Variants in FBXL18 observed in about 807,000 individuals in gnomAD.
FBXL18 encodes the protein F-box/LRR-repeat protein 18.
In FBXL18, 36 loss-of-function variants were observed where a neutral mutation model predicts 46.0. The observed-to-expected ratio is 0.78, with a 90% CI of 0.60 to 1.03. The LOEUF (loss-of-function observed/expected upper bound fraction) is 1.03. Ranked by LOEUF, FBXL18 falls within the 50% of genes least tolerant of loss-of-function variation. The pLI is 0.00. For synonymous variants in FBXL18, 557 were observed against 465.3 expected (o/e 1.20, Z -2.54); for missense variants, 977 against 1,004.1 (o/e 0.97, Z 0.36).
At position 5,491,389 on chromosome 7, in the gene FBXL18, G is replaced by T. The variant is rs1415472812; in HGVS notation, c.1842C>A (p.Pro614=). ...AQFFQALSQC[P]SLQRLCLVSR... ...AGACCAGGCACAGGCGCTGCAGCGAGGGGCACTGGCTCAGCGCCTGGAAGA... is the reference window on the plus strand; with the variant it reads ...AGACCAGGCACAGGCGCTGCAGCGATGGGCACTGGCTCAGCGCCTGGAAGA... The change falls in exon 4 of 5, where the codon CCC becomes CCA. Residue 614 remains proline (P), a synonymous_variant. Coordinates refer to ENST00000382368, the MANE Select transcript of FBXL18 (RefSeq NM_024963.6). 1 of 1,607,360 alleles carries T rather than the reference G, an allele frequency of 6.2e-7. No homozygotes were observed. Among genetic ancestry groups the T allele is most frequent in the South Asian group, 1.1e-5 (1 of 90,068 alleles).
chr7:5,462,975 TATATATATATATATATATATA>T lies in FBXL18; in HGVS notation c.2001-15153_2001-15133del, dbSNP rs1379486867. Among the ~76,000 whole-genome samples, 56 of 23,656 alleles carry T rather than the reference TATATATATATATATATATATA, an allele frequency of 2.4e-3. 1 individual carries two copies. The highest frequency in any genetic ancestry group is 5.7e-3 in the African/African-American group (55 of 9,702). 15.5% of individuals were successfully genotyped at this position (23,656 alleles called of 152,430 possible). On this transcript the variant is annotated intron_variant and NMD_transcript_variant, in intron 4 of 6. Coordinates refer to the FBXL18 transcript ENST00000415009. The stretch of plus-strand genomic sequence containing the variant: ...CAAAAAAAAAAAAAAAAAAAATATA[TATATATATATATATATATATA>T]ATATATATACACACACACATGCATA...
rs552002078 is a variant in FBXL18 at position 5,463,728 on chromosome 7, A to ATTTTTTTTTTTTTTTTTTTTTTTTTTT, written c.2001-15912_2001-15886dup. On this transcript the variant is annotated intron_variant and NMD_transcript_variant, in intron 4 of 6. Transcript: ENST00000415009. The stretch of plus-strand genomic sequence containing the variant: ...TATTTATTTATTTATTTATTTATTT[A>ATTTTTTTTTTTTTTTTTTTTTTTTTTT]TTTTTTTTTTTTTTTTTTTTTTTTT... Among the ~76,000 whole-genome samples, 4 of 53,034 alleles carry ATTTTTTTTTTTTTTTTTTTTTTTTTTT rather than the reference A, an allele frequency of 7.5e-5. 1 individual carries two copies. Among genetic ancestry groups the ATTTTTTTTTTTTTTTTTTTTTTTTTTT allele is most frequent in the Non-Finnish European group, 1.0e-4 (3 of 30,064 alleles). The allele number at this position is 53,034 out of a possible 152,430, so 34.8% of individuals were successfully genotyped here.
chr7:5,499,824 C>T (rs1784184492), intron 3 of FBXL18, among the ~76,000 whole-genome samples: 1 of 151,448 alleles, frequency 6.6e-6, no homozygotes, highest in East Asian at 1.9e-4. Context: ...CTTTGGGAGG[C>T]CGAGATGGAG....
At chr7:5,507,460 C>T (rs755089321) in intron 1 of FBXL18, among the ~76,000 whole-genome samples, 37 of 152,144 alleles carry the variant, frequency 2.4e-4, no homozygotes, top group African/African-American at 4.3e-4. Context: ...AACCAAAGGA[C>T]ATGGCCCGTA....
chr7:5,461,657 T>C (rs773937210), intron 4 of FBXL18, among the ~76,000 whole-genome samples: 1 of 150,944 alleles, frequency 6.6e-6, no homozygotes, highest in Non-Finnish European at 1.5e-5. Context: ...AGAAACAAAA[T>C]TGGCCAGGCG....
chr7:5,513,223 G>A (rs556281014), intron 1 of FBXL18, among the ~76,000 whole-genome samples: 1 of 152,302 alleles, frequency 6.6e-6, no homozygotes, highest in East Asian at 1.9e-4. Context: ...ACGTCATTCA[G>A]CAAGCAGGCT....
chr7:5,463,900 C>T (rs1783303024), intron 4 of FBXL18, among the ~76,000 whole-genome samples: 1 of 151,332 alleles, frequency 6.6e-6, no homozygotes, highest in Admixed American at 6.6e-5. Flanking sequence ...GCCACCACAC[C>T]CAGCTAATTT....
chr7:5,457,840 C>T lies in FBXL18; in HGVS notation c.2001-9997G>A, dbSNP rs1390315004. ...CGTTATGGCGGAAGGCCATCCCTAT[C>T]GCTGTGCCTGGCTGGCCTGGGCCCA... is the stretch of plus-strand genomic sequence containing the variant. On this transcript the variant is annotated intron_variant and NMD_transcript_variant, in intron 4 of 6. Coordinates refer to the FBXL18 transcript ENST00000415009. 3.3e-5 allele frequency among the ~76,000 whole-genome samples: 5 copies of T among 152,212 alleles called. No homozygotes were observed. In the East Asian group the frequency reaches 7.7e-4, roughly 23 times the overall value.
At chr7:5,472,206 C>G (rs548609724), downstream of FBXL18, among the ~76,000 whole-genome samples, 1 of 152,298 alleles carries the variant, frequency 6.6e-6, no homozygotes, top group South Asian at 2.1e-4. Context: ...TCAGCAAGGC[C>G]AAGGCCAACA....
chr7:5,470,157 A>G (rs1430697564), intron 4 of FBXL18, among the ~76,000 whole-genome samples: 2 of 151,466 alleles, frequency 1.3e-5, no homozygotes, highest in Non-Finnish European at 2.9e-5. Context: ...ACGCTGGGGC[A>G]CCTCCCCTGC....
At position 5,477,257 on chromosome 7, in the gene FBXL18, C is replaced by T. The variant is rs895658092; in HGVS notation, c.*4518G>A. Among the ~76,000 whole-genome samples the T allele has an allele frequency of 6.6e-6, 1 of 152,124 alleles. No homozygotes were observed. Among genetic ancestry groups the T allele is most frequent in the Admixed American group, 6.6e-5 (1 of 15,262 alleles). ...TGAGACCCATGACCATCACAAAGAC[C>T]CCCCAGCGTCGTGGTCAAGGCTACC... On this transcript the variant is annotated 3_prime_UTR_variant, in exon 5 of 5. Transcript: ENST00000382368. This position sits in a 1 kb window ranked among gnomAD's most constrained non-coding sequence, Gnocchi z 4.4.
At chr7:5,482,910 T>C (rs1339593306) in intron 4 of FBXL18, among the ~76,000 whole-genome samples, 1 of 151,588 alleles carries the variant, frequency 6.6e-6, no homozygotes, top group Non-Finnish European at 1.5e-5. Flanking sequence ...TGGTGGTGCA[T>C]GCCTGTCACC....
intron 1 of FBXL18, among the ~76,000 whole-genome samples, chr7:5,509,644 G>C (rs1246653039): frequency 6.8e-6 from 1 of 146,232 alleles, no homozygotes; most frequent in Non-Finnish European, 1.5e-5. Flanking sequence ...GGAGTTTGCA[G>C]TGAGCTCAGA....
intron 2 of FBXL18, among the ~76,000 whole-genome samples, chr7:5,504,007 C>G (rs954738159): frequency 6.6e-6 from 1 of 151,534 alleles, no homozygotes; most frequent in African/African-American, 2.4e-5. Flanking sequence ...CCGAGAGGCA[C>G]TGGCTAGAGG....
chr7:5,472,908 C>T (rs899508938), downstream of FBXL18, among the ~76,000 whole-genome samples: 2 of 152,098 alleles, frequency 1.3e-5, no homozygotes, highest in Admixed American at 6.5e-5. Context: ...TCAGCCTTGG[C>T]GCTCCTCTCC....
Position 5,501,905 on chromosome 7 carries a change from C to T in FBXL18, c.364G>A (p.Val122Met), listed in dbSNP as rs745600403. 1 of 1,602,886 alleles carries T rather than the reference C, an allele frequency of 6.2e-7. No homozygotes were observed. The highest frequency in any genetic ancestry group is 8.5e-7 in the Non-Finnish European group (1 of 1,175,954). ...TGGCAGCCCGAGAGGTTCACCTTCA[C>T]CAGGCTGCGGCAGCGGGCCACGTGT... ...VEHVARCRSL[V>M]KVNLSGCHLT... is the part of the protein sequence containing the mutation. Residue 122 changes from valine to methionine, a missense_variant, in exon 3 of 5, where the codon GTG becomes ATG. Val to Met is a conservative substitution (Grantham distance 21, BLOSUM62 1). Coordinates refer to ENST00000382368, the MANE Select transcript of FBXL18 (RefSeq NM_024963.6).
At chr7:5,474,310 GTTT>G (rs57034960), downstream of FBXL18, among the ~76,000 whole-genome samples, 2 of 144,834 alleles carry the variant, frequency 1.4e-5, no homozygotes, top group South Asian at 2.2e-4. Context: ...TGTGCAGTTC[GTTT>G]TTTTTTTTTT....
intron 1 of FBXL18, among the ~76,000 whole-genome samples, chr7:5,506,977 C>G (rs903670085): frequency 6.6e-6 from 1 of 152,170 alleles, no homozygotes; most frequent in Admixed American, 6.6e-5. Flanking sequence ...AGAGCTGGAC[C>G]TAATGAGACA....
chr7:5,508,098 T>G (rs766483456), intron 1 of FBXL18, among the ~76,000 whole-genome samples: 4 of 151,704 alleles, frequency 2.6e-5, no homozygotes, highest in Non-Finnish European at 5.9e-5. Context: ...AAACCCCATC[T>G]CTACTAAAAA....
Sources: gnomAD v4.1 joint callset for allele counts (sites outside exome capture counted in the v4.1 genomes callset) on GRCh38, gnomAD v4.1.1 for gene constraint, Gnocchi (gnomAD v3.1) non-coding constraint, MANE v1.5 for transcripts, NCBI Gene and HGNC (gene_info 2026-07-23, HGNC 2026-07-21) for gene names.